The following SLAIN1 variants were observed in gnomAD, a reference collection of about 807,000 sequenced individuals.
The protein encoded by SLAIN1 is SLAIN motif-containing protein 1.
In SLAIN1, 17 loss-of-function variants were observed where a neutral mutation model predicts 55.4. The observed-to-expected ratio is 0.31, with a 90% CI of 0.21 to 0.46. The LOEUF (loss-of-function observed/expected upper bound fraction) is 0.46, where lower values mean the gene tolerates loss of function less well. Ranked by LOEUF, SLAIN1 falls within the 20% of genes least tolerant of loss-of-function variation. The pLI is 1.00. For missense variants in SLAIN1, 682 were observed against 785.1 expected (o/e 0.87, Z 1.57); for synonymous variants, 348 against 337.4 (o/e 1.03, Z -0.35).
intron 1 of SLAIN1, among the ~76,000 whole-genome samples, chr13:77,710,626 C>G (rs1366424366): frequency 6.6e-6 from 1 of 152,152 alleles, no homozygotes; most frequent in African/African-American, 2.4e-5. Flanking sequence ...GACTTAGACT[C>G]CCACACAATA....
At position 77,733,595 on chromosome 13, in the gene SLAIN1, T is replaced by C. The variant is rs142133233; in HGVS notation, c.767-10688T>C. ...AGCTAAATTTGAAGACTGTGAGACT[T>C]GGGTATAATGACTAACTTACTTTGA... On this transcript the variant is annotated intron_variant, in intron 2 of 6. Transcript: ENST00000418532. Among the ~76,000 whole-genome samples the C allele has an allele frequency of 1.3e-3, 196 of 152,270 alleles. 5 individuals carry two copies. In the East Asian group the frequency reaches 0.037, roughly 29 times the overall value.
At chr13:77,762,717 G>GT (rs1875138398) in intron 6 of SLAIN1, among the ~76,000 whole-genome samples, 1 of 152,136 alleles carries the variant, frequency 6.6e-6, no homozygotes, top group South Asian at 2.1e-4. Context: ...CTTTTTAAAT[G>GT]TTTTGCGAAT....
intron 2 of SLAIN1, among the ~76,000 whole-genome samples, chr13:77,735,387 CTG>C (rs1873070099): frequency 6.6e-6 from 1 of 152,078 alleles, no homozygotes; most frequent in Non-Finnish European, 1.5e-5. Context: ...GCCATCACTG[CTG>C]TGTCTCAACA....
intron 3 of SLAIN1, 192 bp downstream of exon 3, chr13:77,744,624 A>G: frequency 1.3e-6 from 1 of 765,922 alleles, no homozygotes; most frequent in South Asian, 1.8e-5. Context: ...TAGTCTGATG[A>G]AAACACATTG....
At chr13:77,721,843 G>A (rs1053717530) in intron 2 of SLAIN1, among the ~76,000 whole-genome samples, 3 of 150,364 alleles carry the variant, frequency 2.0e-5, no homozygotes, top group Admixed American at 1.3e-4. Flanking sequence ...CTTAGCTGGT[G>A]AATTATTACA....
chr13:77,740,528 G>GC (rs5804928), intron 2 of SLAIN1, among the ~76,000 whole-genome samples: 1,485 of 142,780 alleles, frequency 0.01, 34 homozygotes, highest in East Asian at 0.068. Flanking sequence ...TTTGCGAACC[G>GC]CCCCCCCCCC....
At chr13:77,702,404 A>C (rs1215495201) in intron 1 of SLAIN1, among the ~76,000 whole-genome samples, 1 of 152,166 alleles carries the variant, frequency 6.6e-6, no homozygotes, top group East Asian at 1.9e-4. Context: ...TACATGGGAC[A>C]CAGTGTGATT....
chr13:77,712,086 T>C lies in SLAIN1; in HGVS notation c.627-7446T>C, dbSNP rs112342413. The stretch of plus-strand genomic sequence containing the variant: ...ATGTATCTCAAAATAATAAGAGCTA[T>C]TTATGACAAACCCACAGCCAGTATC... On this transcript the variant is annotated intron_variant, in intron 1 of 6. Transcript: ENST00000418532. Among the ~76,000 whole-genome samples, 9 of 152,312 alleles carry C rather than the reference T, an allele frequency of 5.9e-5. No individual in the cohort carries two copies. The South Asian group carries it at 1.9e-3, about 32-fold the overall frequency.
intron 1 of SLAIN1, among the ~76,000 whole-genome samples, chr13:77,701,185 C>T (rs1315827502): frequency 1.3e-5 from 2 of 152,040 alleles, no homozygotes; most frequent in African/African-American, 4.8e-5. Context: ...GTGATTTCAT[C>T]CTAATGGGTT....
At chr13:77,703,598 G>A (rs1213234813) in intron 1 of SLAIN1, among the ~76,000 whole-genome samples, 1 of 151,972 alleles carries the variant, frequency 6.6e-6, no homozygotes, top group East Asian at 1.9e-4. Flanking sequence ...CAGGGTTGGG[G>A]GTGGAGGGAA....
chr13:77,756,416 G>T (rs1228115745), intron 5 of SLAIN1, among the ~76,000 whole-genome samples: 1 of 151,910 alleles, frequency 6.6e-6, no homozygotes, highest in Non-Finnish European at 1.5e-5. Context: ...GAGGTTTTAT[G>T]TTTCTATAGT....
At chr13:77,761,391 G>T (rs533478808) in intron 6 of SLAIN1, among the ~76,000 whole-genome samples, 1 of 152,254 alleles carries the variant, frequency 6.6e-6, no homozygotes, top group South Asian at 2.1e-4. Context: ...CAGAGCTTTT[G>T]TAGCTTTCTG....
chr13:77,699,125 T>C lies in SLAIN1; in HGVS notation c.626+586T>C. The C allele has an allele frequency of 2.1e-6, 3 of 1,430,458 alleles. No homozygotes were observed. In the South Asian group the frequency reaches 3.7e-5, roughly 18 times the overall value. 88.6% of individuals were successfully genotyped at this position (1,430,458 alleles called of 1,614,324 possible). ...GCGTTGCATTTTCATTGAAATCTTATTTTCAGAGACTGACTTGCTTTTTAA... is the reference window on the plus strand; with the variant it reads ...GCGTTGCATTTTCATTGAAATCTTACTTTCAGAGACTGACTTGCTTTTTAA... On this transcript the variant is annotated intron_variant, in intron 1 of 6. Coordinates refer to ENST00000418532, the MANE Select transcript of SLAIN1 (RefSeq NM_001242868.2).
chr13:77,705,499 A>T (rs1238649871), intron 1 of SLAIN1, among the ~76,000 whole-genome samples: 2 of 152,004 alleles, frequency 1.3e-5, no homozygotes, highest in Non-Finnish European at 2.9e-5. Flanking sequence ...AGTTGAAAAA[A>T]ATGTTTATAA....
intron 1 of SLAIN1, among the ~76,000 whole-genome samples, chr13:77,703,058 T>C (rs998809087): frequency 2.0e-5 from 3 of 152,016 alleles, no homozygotes; most frequent in African/African-American, 4.8e-5. Context: ...TATGAGAAAA[T>C]GCCACGATAA....
At chr13:77,708,651 C>T (rs1459122058) in intron 1 of SLAIN1, among the ~76,000 whole-genome samples, 1 of 152,156 alleles carries the variant, frequency 6.6e-6, no homozygotes, top group Non-Finnish European at 1.5e-5. Context: ...AAAACCCCAG[C>T]AGACCTGCAG....
Position 77,698,596 on chromosome 13 carries a change from G to T in SLAIN1, c.626+57G>T. 7.5e-7 allele frequency: 1 copy of T among 1,341,952 alleles called. No individual in the cohort carries two copies. Among genetic ancestry groups the T allele is most frequent in the South Asian group, 2.0e-5 (1 of 50,932 alleles). The allele number at this position is 1,341,952 out of a possible 1,614,324, so 83.1% of individuals were successfully genotyped here. A position where few individuals can be genotyped will look rare whatever the true frequency, so the allele number is the denominator to read the frequency against. On this transcript the variant is annotated intron_variant, in intron 1 of 6. Coordinates refer to ENST00000418532, the MANE Select transcript of SLAIN1 (RefSeq NM_001242868.2). This position sits in a 1 kb window ranked among gnomAD's most constrained non-coding sequence, Gnocchi z 4.1. ...CCTGGCCTCGGGGGCTTCGGGCACC[G>T]GGGAGCGGGGGCGGGGGGCGGACGG...
intron 1 of SLAIN1, among the ~76,000 whole-genome samples, chr13:77,701,095 G>A (rs1366451703): frequency 6.6e-6 from 1 of 152,062 alleles, no homozygotes; most frequent in Non-Finnish European, 1.5e-5. Context: ...AGTAACAAAG[G>A]CATCATTATT....
At chr13:77,709,702 G>A (rs948459311) in intron 1 of SLAIN1, among the ~76,000 whole-genome samples, 27 of 152,196 alleles carry the variant, frequency 1.8e-4, no homozygotes, top group African/African-American at 6.5e-4. Context: ...ACAAGCTAAT[G>A]CTGAGAGATT....
Sources: gnomAD v4.1 joint callset for allele counts (sites outside exome capture counted in the v4.1 genomes callset) on GRCh38, gnomAD v4.1.1 for gene constraint, Gnocchi (gnomAD v3.1) non-coding constraint, MANE v1.5 for transcripts, NCBI Gene and HGNC (gene_info 2026-07-23, HGNC 2026-07-21) for gene names.